The following MIOS variants were observed in gnomAD, a reference collection of about 807,000 sequenced individuals.
MIOS encodes meiosis regulator for oocyte development.
A neutral mutation model predicts 96.9 loss-of-function variants in MIOS; 52 were observed. The observed-to-expected ratio is 0.54, with a 90% confidence interval of 0.43 to 0.68. The LOEUF (loss-of-function observed/expected upper bound fraction) is 0.68, where lower values mean the gene tolerates loss of function less well. Among genes scored for constraint, MIOS ranks in the 30% least tolerant of loss-of-function variants. MIOS has a pLI of 0.00. For synonymous variants in MIOS, 397 were observed against 359.5 expected (o/e 1.10, Z -1.18); for missense variants, 1,005 against 1,052.8 (o/e 0.95, Z 0.63).
chr7:7,608,325 A>C lies in MIOS; in HGVS notation c.*1233A>C, dbSNP rs1384195205. 6.6e-6 allele frequency: 1 copy of C among 152,054 alleles called. No homozygotes were observed. The highest frequency in any genetic ancestry group is 1.5e-5 in the Non-Finnish European group (1 of 67,954). The allele number at this position is 152,054 out of a possible 1,614,324, so 9.4% of individuals were successfully genotyped here. A position where few individuals can be genotyped will look rare whatever the true frequency, so the allele number is the denominator to read the frequency against. On this transcript the variant is annotated 3_prime_UTR_variant, in exon 13 of 13. Coordinates refer to ENST00000340080, the MANE Select transcript of MIOS (RefSeq NM_019005.4). ...AAATCTTATTTTATAGATTTTGGAG[A>C]AATAAAACAAGAATTTTAAGAGCTT...
At chr7:7,586,574 T>G (rs1563029054) in intron 7 of MIOS, among the ~76,000 whole-genome samples, 1 of 152,226 alleles carries the variant, frequency 6.6e-6, no homozygotes, top group African/African-American at 2.4e-5. Flanking sequence ...GTACCATTTC[T>G]TATCAATTAT....
At chr7:7,589,854 T>C (rs1783998713) in intron 9 of MIOS, among the ~76,000 whole-genome samples, 1 of 152,212 alleles carries the variant, frequency 6.6e-6, no homozygotes, top group African/African-American at 2.4e-5. Flanking sequence ...CTCCAATTGT[T>C]GACATAACTG....
At chr7:7,585,452 T>A (rs1783859973) in intron 6 of MIOS, among the ~76,000 whole-genome samples, 184 bp from the exon 7 acceptor site, 1 of 149,228 alleles carries the variant, frequency 6.7e-6, no homozygotes. Context: ...TGCAACTTTA[T>A]TAAGAAAGTA....
At chr7:7,599,455 C>G (rs1477195299) in intron 11 of MIOS, among the ~76,000 whole-genome samples, 1 of 152,158 alleles carries the variant, frequency 6.6e-6, no homozygotes, top group Non-Finnish European at 1.5e-5. Context: ...GGAAATATTA[C>G]TTCTATCTGA....
At chr7:7,597,472 A>T (rs1210577629) in intron 11 of MIOS, among the ~76,000 whole-genome samples, 1 of 5,668 alleles carries the variant, frequency 1.8e-4, no homozygotes, top group East Asian at 2.9e-3. Context: ...GTAAATTTAT[A>T]TATATATATA....
rs1783216316 is a variant in MIOS, at chr7:7,568,120, A to G, written c.-44A>G. On this transcript the variant is annotated 5_prime_UTR_variant, in exon 3 of 13. Transcript: ENST00000340080. ...TGGGAAGTGAGACTTGTTAAACTTGAAAGGTGAGGATATAAATACAAGCTG... is the reference window on the plus strand; with the variant it reads ...TGGGAAGTGAGACTTGTTAAACTTGGAAGGTGAGGATATAAATACAAGCTG... 6.6e-6 allele frequency: 1 copy of G among 152,174 alleles called. No individual in the cohort carries two copies. The highest frequency in any genetic ancestry group is 1.5e-5 in the Non-Finnish European group (1 of 68,036). 9.4% of individuals were successfully genotyped at this position (152,174 alleles called of 1,614,324 possible). A position where few individuals can be genotyped will look rare whatever the true frequency, so the allele number is the denominator to read the frequency against.
At chr7:7,585,463 A>G (rs138582007) in intron 6 of MIOS, among the ~76,000 whole-genome samples, 173 bp from the exon 7 acceptor site, 2,936 of 150,964 alleles carry the variant, frequency 0.019, 46 homozygotes, top group Non-Finnish European at 0.031. Flanking sequence ...TAAGAAAGTA[A>G]AGGAATAAAA....
intron 5 of MIOS, among the ~76,000 whole-genome samples, chr7:7,578,937 C>T (rs1356344427): frequency 6.6e-6 from 1 of 152,166 alleles, no homozygotes; most frequent in Non-Finnish European, 1.5e-5. Flanking sequence ...TCTCAAACTC[C>T]TAACCTCAAG....
At chr7:7,601,910 G>C (rs189986720) in intron 11 of MIOS, among the ~76,000 whole-genome samples, 1 of 152,118 alleles carries the variant, frequency 6.6e-6, no homozygotes, top group Admixed American at 6.5e-5. Context: ...ATGCAAGGCT[G>C]GTTCAACATA....
At chr7:7,599,082 T>C (rs778933009) in intron 11 of MIOS, among the ~76,000 whole-genome samples, 11 of 152,106 alleles carry the variant, frequency 7.2e-5, no homozygotes, top group Non-Finnish European at 1.5e-4. Flanking sequence ...ATAAGTGATA[T>C]TTTCTAGAAA....
chr7:7,604,726 T>C lies in MIOS; in HGVS notation c.2402-1216T>C, dbSNP rs546837002. Among the ~76,000 whole-genome samples, 4 of 152,308 alleles carry C rather than the reference T, an allele frequency of 2.6e-5. No homozygotes were observed. In the South Asian group the frequency reaches 8.3e-4, roughly 32 times the overall value. ...TCATTTGATCTTAAGCCTTTATACT[T>C]GGCAGTGAGATAGACCTTAATACTT... On this transcript the variant is annotated intron_variant, in intron 11 of 12. Transcript: ENST00000340080.
At chr7:7,579,682 A>G (rs1783649634) in intron 5 of MIOS, among the ~76,000 whole-genome samples, 1 of 151,966 alleles carries the variant, frequency 6.6e-6, no homozygotes, top group Admixed American at 6.6e-5. Context: ...TCCCCCCAAA[A>G]TCTCATAATG....
chr7:7,593,762 C>A (rs1041569708), intron 9 of MIOS, among the ~76,000 whole-genome samples: 2 of 151,260 alleles, frequency 1.3e-5, no homozygotes, highest in East Asian at 3.9e-4. Flanking sequence ...GTGGCACACC[C>A]CTGTAATCCC....
chr7:7,585,949 T>A, intron 7 of MIOS, 144 bp downstream of exon 7: 1 of 663,996 alleles, frequency 1.5e-6, no homozygotes, highest in Non-Finnish European at 2.3e-6. Flanking sequence ...TTGGGCTTTT[T>A]TTTTGAGCAG....
Position 7,607,716 on chromosome 7 carries a change from A to G in MIOS, c.*624A>G, listed in dbSNP as rs139407023. ...GCCTTTTCCCTCCTTTGATTTTAAGATAAGCAATCTTTTGGCATAACATTA... is the reference window on the plus strand; with the variant it reads ...GCCTTTTCCCTCCTTTGATTTTAAGGTAAGCAATCTTTTGGCATAACATTA... On this transcript the variant is annotated 3_prime_UTR_variant, in exon 13 of 13. Transcript: ENST00000340080. 1.3e-5 allele frequency: 2 copies of G among 152,234 alleles called. No individual in the cohort carries two copies. Among genetic ancestry groups the G allele is most frequent in the Non-Finnish European group, 2.9e-5 (2 of 68,010 alleles). 9.4% of individuals were successfully genotyped at this position (152,234 alleles called of 1,614,324 possible).
At chr7:7,585,277 G>T (rs1163885507) in intron 6 of MIOS, among the ~76,000 whole-genome samples, 2 of 152,072 alleles carry the variant, frequency 1.3e-5, no homozygotes, top group East Asian at 1.9e-4. Context: ...ACCCTGCCTG[G>T]ATTGAGAACT....
Position 7,607,992 on chromosome 7 carries a change from A to G in MIOS, c.*900A>G, listed in dbSNP as rs1308081845. The G allele has an allele frequency of 2.6e-5, 4 of 152,144 alleles. No individual in the cohort carries two copies. Among genetic ancestry groups the G allele is most frequent in the Admixed American group, 6.6e-5 (1 of 15,242 alleles). 9.4% of individuals were successfully genotyped at this position (152,144 alleles called of 1,614,324 possible). The stretch of plus-strand genomic sequence containing the variant: ...TGTAACTAGCCATTTAGTATAATCT[A>G]TGTCAGTGTTTCTGTGCTGTCAAAT... On this transcript the variant is annotated 3_prime_UTR_variant, in exon 13 of 13. Transcript: ENST00000340080.
chr7:7,567,731 T>G (rs1329880635), intron 2 of MIOS, 43 bp downstream of exon 2: 1 of 152,194 alleles, frequency 6.6e-6, no homozygotes, highest in Admixed American at 6.5e-5. Context: ...TGTGGTTGGA[T>G]CCTTTGTACA....
intron 11 of MIOS, 68 bp from the exon 12 acceptor site, chr7:7,605,874 C>T (rs552030260): frequency 6.9e-7 from 1 of 1,443,600 alleles, no homozygotes. Context: ...TTTAGAAATG[C>T]TTTTTGAAAG....
Sources: gnomAD v4.1 joint callset for allele counts (sites outside exome capture counted in the v4.1 genomes callset) on GRCh38, gnomAD v4.1.1 for gene constraint, MANE v1.5 for transcripts, NCBI Gene and HGNC (gene_info 2026-07-23, HGNC 2026-07-21) for gene names.